ADGRV1: variants seen among roughly 807,000 people sequenced by gnomAD.
ADGRV1 encodes the protein G-protein coupled receptor 98.
Under a neutral mutation model 596.2 loss-of-function variants are expected in ADGRV1, and 359 were observed. The observed-to-expected ratio is 0.60, with a 90% CI of 0.55 to 0.66. The LOEUF (loss-of-function observed/expected upper bound fraction) is 0.66, where lower values mean the gene tolerates loss of function less well. ADGRV1 is among the 30% of genes least tolerant of loss of function. ADGRV1 has a pLI of 0.00. For synonymous variants in ADGRV1, 2,681 were observed against 2,679.2 expected, an observed-to-expected ratio of 1.00 and a Z score of -0.02; for missense variants, 7,274 against 7,575.6, an observed-to-expected ratio of 0.96 and a Z score of 1.48.
intron 83 of ADGRV1, among the ~76,000 whole-genome samples, chr5:90,960,181 G>T (rs2150948144): frequency 6.6e-6 from 1 of 151,704 alleles, no homozygotes; most frequent in African/African-American, 2.4e-5. Context: ...TATGCCTAGG[G>T]TGGTAGGGGT....
In ADGRV1 at chr5:90,834,526, A is replaced by G. The variant is rs559119154; in HGVS notation, c.16611+5340A>G. ...ACCAGATGTATGGGAGCTCCACTCT[A>G]TGTTATTTGTTCCACTTTACTTGCT... On this transcript the variant is annotated intron_variant, in intron 77 of 89. Coordinates refer to ENST00000405460, the MANE Select transcript of ADGRV1 (RefSeq NM_032119.4). Among the ~76,000 whole-genome samples the G allele has an allele frequency of 7.4e-4, 112 of 151,464 alleles. 2 individuals carry two copies. In the South Asian group the frequency reaches 0.02, roughly 27 times the overall value.
chr5:90,863,029 T>C (rs1301830288), intron 82 of ADGRV1, among the ~76,000 whole-genome samples: 1 of 152,338 alleles, frequency 6.6e-6, no homozygotes, highest in South Asian at 2.1e-4. Flanking sequence ...TGCTGTTATG[T>C]TTCAGTAATC....
chr5:90,974,823 T>C (rs1338856792), intron 84 of ADGRV1, among the ~76,000 whole-genome samples: 1 of 152,128 alleles, frequency 6.6e-6, no homozygotes, highest in African/African-American at 2.4e-5. Flanking sequence ...CCAAAAGCAA[T>C]GGCAACCAAA....
chr5:91,158,857 AT>A (rs1796695973), intron 89 of ADGRV1, among the ~76,000 whole-genome samples: 2 of 133,388 alleles, frequency 1.5e-5, no homozygotes, highest in Admixed American at 1.4e-4. Flanking sequence ...GGGTGGATGG[AT>A]GGATGGATGG....
chr5:90,658,341 C>T, intron 21 of ADGRV1, 63 bp downstream of exon 21: 1 of 1,420,600 alleles, frequency 7.0e-7, no homozygotes, highest in South Asian at 1.8e-5. Flanking sequence ...TTGTTTGGGA[C>T]TCGGCTTTCT....
intron 83 of ADGRV1, among the ~76,000 whole-genome samples, chr5:90,946,224 G>T (rs1448455638): frequency 6.6e-6 from 1 of 152,078 alleles, no homozygotes; most frequent in African/African-American, 2.4e-5. Context: ...CAGTGCCGCA[G>T]CTGAGTGAGT....
chr5:90,885,830 C>T (rs77572045), intron 83 of ADGRV1, among the ~76,000 whole-genome samples: 10,165 of 150,966 alleles, frequency 0.067, 488 homozygotes, highest in Non-Finnish European at 0.1. Flanking sequence ...GCTTAATACT[C>T]GGGTCTTGAG....
At chr5:90,874,941 C>A (rs1769089533) in intron 83 of ADGRV1, among the ~76,000 whole-genome samples, 3 of 152,258 alleles carry the variant, frequency 2.0e-5, no homozygotes, top group Admixed American at 2.0e-4. Context: ...TTATAAAGAG[C>A]ATTCTTGGCA....
At chr5:90,761,233 A>G (rs1245445722) in intron 58 of ADGRV1, among the ~76,000 whole-genome samples, 2 of 152,134 alleles carry the variant, frequency 1.3e-5, no homozygotes, top group East Asian at 3.8e-4. Context: ...TTTCAATTTC[A>G]TAAGAAAATG....
rs369212457 is a variant in ADGRV1 at position 90,690,934 on chromosome 5, A to G, written c.6844A>G (p.Thr2282Ala). 2.2e-5 allele frequency: 35 copies of G among 1,613,764 alleles called. No individual in the cohort carries two copies. The African/African-American group carries it at 2.8e-4, about 13-fold the overall frequency. ...TGCCACCATTAATGGACAGCTTGCT[A>G]CTGGCGACCTGCGAGTTGTCTCAGG... is the stretch of plus-strand genomic sequence containing the variant. Reference protein sequence around the residue: ...WVATINGQLATGDLRVVSGNV... With the variant: ...WVATINGQLAAGDLRVVSGNV... Residue 2282 changes from threonine to alanine, a missense_variant, in exon 31 of 90, where the codon ACT becomes GCT. Thr to Ala is a moderately conservative substitution (Grantham distance 58). Around this residue, in one of 5 missense-constraint regions of ADGRV1, gnomAD observed 3,643 missense variants for 3,809.2 expected, o/e 0.96. Transcript: ENST00000405460.
chr5:90,575,196 CCTTT>C (rs1757040330), intron 1 of ADGRV1, among the ~76,000 whole-genome samples: 1 of 151,220 alleles, frequency 6.6e-6, no homozygotes, highest in South Asian at 2.1e-4. Flanking sequence ...TGATTTGAGA[CCTTT>C]CTAACTTTTT....
chr5:90,890,634 A>G (rs1484306502), intron 83 of ADGRV1, among the ~76,000 whole-genome samples: 6 of 152,142 alleles, frequency 3.9e-5, no homozygotes, highest in African/African-American at 1.4e-4. Context: ...ATTTATTAAC[A>G]TGACCCTTTT....
At chr5:90,569,373 ATATATATATATATATTTTTTT>A (rs1233691016) in intron 1 of ADGRV1, among the ~76,000 whole-genome samples, 2 of 20,344 alleles carry the variant, frequency 9.8e-5, no homozygotes, top group African/African-American at 2.4e-4. Flanking sequence ...ATATATATAT[ATATATATATATATATTTTTTT>A]TTTTTTTTTT....
intron 87 of ADGRV1, among the ~76,000 whole-genome samples, chr5:91,105,989 T>C (rs1791837627): frequency 6.6e-6 from 1 of 151,368 alleles, no homozygotes; most frequent in South Asian, 2.1e-4. Flanking sequence ...TTATTTATAT[T>C]TAATATCCTT....
intron 83 of ADGRV1, among the ~76,000 whole-genome samples, chr5:90,901,357 G>A (rs184180590): frequency 1.6e-3 from 250 of 152,258 alleles, no homozygotes; most frequent in African/African-American, 5.7e-3. Flanking sequence ...CAATGGAAGT[G>A]AGATATGAGT....
In ADGRV1 at chr5:90,615,023, A is replaced by G. The variant is rs1362558158; in HGVS notation, c.207+4A>G. On this transcript the variant is annotated splice_donor_region_variant and intron_variant, in intron 2 of 89. Transcript: ENST00000405460. ...AAATGTTACTGCAATTGTATCGGTA[A>G]GAAATTATTATAGCTCTATTTTTAC... is the stretch of plus-strand genomic sequence containing the variant. The G allele has an allele frequency of 2.8e-6, 4 of 1,406,290 alleles. No homozygotes were observed. The South Asian group carries it at 5.1e-5, about 18-fold the overall frequency. 87.1% of individuals were successfully genotyped at this position (1,406,290 alleles called of 1,614,324 possible). A position where few individuals can be genotyped will look rare whatever the true frequency, so the allele number is the denominator to read the frequency against.
intron 78 of ADGRV1, among the ~76,000 whole-genome samples, chr5:90,845,412 C>A (rs915932207): frequency 6.6e-6 from 1 of 151,896 alleles, no homozygotes. Context: ...CTAAAAGAAA[C>A]TTTGTTTTTT....
chr5:91,145,309 A>T (rs1795439804), intron 87 of ADGRV1, among the ~76,000 whole-genome samples: 1 of 152,360 alleles, frequency 6.6e-6, no homozygotes, highest in East Asian at 1.9e-4. Context: ...CACTGTTTTA[A>T]CAAATGGGTC....
chr5:90,973,145 A>C (rs1010569963), intron 84 of ADGRV1, among the ~76,000 whole-genome samples: 6 of 152,176 alleles, frequency 3.9e-5, no homozygotes, highest in Admixed American at 6.5e-5. Context: ...TCCCAAGACT[A>C]AACTAGGAAG....
Sources: gnomAD v4.1 joint callset for allele counts (sites outside exome capture counted in the v4.1 genomes callset) on GRCh38, gnomAD v4.1.1 for gene constraint, gnomAD v4.1.1 regional missense constraint, MANE v1.5 for transcripts, NCBI Gene and HGNC (gene_info 2026-07-23, HGNC 2026-07-21) for gene names.